BRCA1: variants seen among roughly 807,000 people sequenced by gnomAD.
BRCA1 encodes the protein BRCA1 DNA repair associated.
Under a neutral mutation model 173.7 loss-of-function variants are expected in BRCA1, and 140 were observed. The ratio of observed to expected loss-of-function variants is 0.81; its 90% CI spans 0.70 to 0.93. The LOEUF (loss-of-function observed/expected upper bound fraction) is 0.93. Among genes scored for constraint, BRCA1 ranks in the 40% least tolerant of loss-of-function variants. The pLI is 0.00. For missense variants in BRCA1, 1,983 were observed against 2,172.5 expected (o/e 0.91, Z 1.73); for synonymous variants, 662 against 756.0 (o/e 0.88, Z 2.04).
rs532473191 is a variant in BRCA1, at chr17:43,056,726, C to T, written c.5277+326G>A. Among the ~76,000 whole-genome samples, 7 of 152,096 alleles carry T rather than the reference C, an allele frequency of 4.6e-5. No homozygotes were observed. The South Asian group carries it at 1.5e-3, about 32-fold the overall frequency. ...AAGAGAGAGAGAGAGAAAGACACCC[C>T]AGTGAAGTGAAAAGAGCAAAGTCTT... On this transcript the variant is annotated intron_variant, in intron 19 of 22. Transcript: ENST00000357654.
chr17:43,074,471 C>A lies in BRCA1; in HGVS notation c.4535G>T (p.Ser1512Ile), dbSNP rs1800744. 4,969 of 1,614,128 alleles carry A rather than the reference C, an allele frequency of 3.1e-3. 17 individuals are homozygous for A. The highest frequency in any genetic ancestry group is 3.7e-3 in the Non-Finnish European group (4,340 of 1,180,008). ...TCTATTCTGAAGACTCCCAGAGCAA[C>A]TGTGCATGTACCACCTATCATCTAA... ...PSLDDRWYMH[S>I]CSGSLQNRNY... The change falls in exon 14 of 23, where the codon AGT becomes ATT. Residue 1512 changes from serine (S) to isoleucine (I), a missense_variant. Physicochemically the swap from Ser to Ile is moderately radical, Grantham distance 142. Transcript: ENST00000357654.
chr17:43,073,855 A>G (rs2153979180), intron 14 of BRCA1, among the ~76,000 whole-genome samples: 1 of 152,116 alleles, frequency 6.6e-6, no homozygotes, highest in Non-Finnish European at 1.5e-5. Flanking sequence ...CCCGGGTTCA[A>G]GTGATTCTGC....
intron 1 of BRCA1, among the ~76,000 whole-genome samples, chr17:43,147,011 T>C (rs548321471): frequency 6.6e-6 from 1 of 151,896 alleles, no homozygotes; most frequent in Non-Finnish European, 1.5e-5. Flanking sequence ...CTCATGGCTT[T>C]TTTTTTTTTT....
intron 2 of BRCA1, among the ~76,000 whole-genome samples, chr17:43,121,997 A>G (rs2055600565): frequency 2.0e-5 from 3 of 152,132 alleles, no homozygotes; most frequent in South Asian, 2.1e-4. Context: ...GTTTTTTCCT[A>G]CAATGTCATT....
intron 1 of BRCA1, among the ~76,000 whole-genome samples, chr17:43,132,035 C>T (rs2055971053): frequency 6.6e-6 from 1 of 152,198 alleles, no homozygotes; most frequent in Admixed American, 6.5e-5. Flanking sequence ...CCAGCGGCCT[C>T]AGCCTCCCAA....
intron 1 of BRCA1, chr17:43,161,611 T>G (rs958393357): frequency 2.0e-5 from 3 of 152,286 alleles, no homozygotes; most frequent in African/African-American, 7.2e-5. Flanking sequence ...GGAAATTTAC[T>G]GAATGGATTT....
intron 1 of BRCA1, chr17:43,159,363 G>C (rs1404038261): frequency 6.3e-6 from 1 of 158,900 alleles, no homozygotes; most frequent in Non-Finnish European, 1.4e-5. Flanking sequence ...GGCCTGGCAG[G>C]GGCTGACCCC....
At chr17:43,049,262 A>T (rs1567759289) in intron 20 of BRCA1, 68 bp from the exon 21 acceptor site, 1 of 1,408,158 alleles carries the variant, frequency 7.1e-7, no homozygotes, top group Non-Finnish European at 1.0e-6. Flanking sequence ...CCTCTACCCT[A>T]CACTCTCCGG....
intron 2 of BRCA1, among the ~76,000 whole-genome samples, chr17:43,122,048 T>C (rs1157727042): frequency 3.9e-5 from 6 of 152,204 alleles, no homozygotes; most frequent in Admixed American, 3.9e-4. Flanking sequence ...ATTGATAAAT[T>C]GTGAATCCTG....
intron 6 of BRCA1, among the ~76,000 whole-genome samples, chr17:43,102,703 A>G (rs980882115): frequency 6.6e-6 from 1 of 151,372 alleles, no homozygotes; most frequent in Non-Finnish European, 1.5e-5. Context: ...CCCACGCTGA[A>G]GTGCAGTGGA....
chr17:43,138,571 G>A, intron 1 of BRCA1: 2 of 704,794 alleles, frequency 2.8e-6, no homozygotes, highest in Non-Finnish European at 5.3e-6. Flanking sequence ...CCAAGTATAA[G>A]TAGGGCTCCC....
Position 43,092,682 on chromosome 17 carries a change from G to A in BRCA1, c.2849C>T (p.Ser950Phe), listed in dbSNP as rs1555588847. The change falls in exon 10 of 23, where the codon TCT becomes TTT. Residue 950 changes from serine to phenylalanine, a missense_variant. Coordinates refer to ENST00000357654, the MANE Select transcript of BRCA1 (RefSeq NM_007294.4). ...DNAKCSIKGG[S>F]RFCLSSQFRG... ...GAACTGAGATGATAGACAAAACCTA[G>A]AGCCTCCTTTGATACTACATTTGGC... The A allele has an allele frequency of 6.2e-7, 1 of 1,614,120 alleles. No homozygotes were observed. Among genetic ancestry groups the A allele is most frequent in the Non-Finnish European group, 8.5e-7 (1 of 1,180,016 alleles).
rs56056327 is a variant in BRCA1, at chr17:43,044,787, C to T, written c.*891G>A. 7 of 458,004 alleles carry T rather than the reference C, an allele frequency of 1.5e-5. No homozygotes were observed. The highest frequency in any genetic ancestry group is 1.2e-4 in the South Asian group (7 of 58,398). The allele number at this position is 458,004 out of a possible 1,614,324, so 28.4% of individuals were successfully genotyped here. A position where few individuals can be genotyped will look rare whatever the true frequency, so the allele number is the denominator to read the frequency against. ...ATATATCTCAGACTTTTAGAAATCT[C>T]TTCTAGTTTCATTTTCCTTTTTTTT... On this transcript the variant is annotated 3_prime_UTR_variant, in exon 23 of 23. Transcript: ENST00000357654.
chr17:43,091,138 A>G (rs2154261250), intron 10 of BRCA1, 106 bp from the exon 11 acceptor site: 1 of 1,123,380 alleles, frequency 8.9e-7, no homozygotes, highest in Non-Finnish European at 1.3e-6. Flanking sequence ...CTTTCATGTC[A>G]CACAAAATGA....
At chr17:43,056,076 T>C (rs890491334) in intron 19 of BRCA1, among the ~76,000 whole-genome samples, 1 of 152,182 alleles carries the variant, frequency 6.6e-6, no homozygotes, top group Non-Finnish European at 1.5e-5. Flanking sequence ...ATCTGTAATA[T>C]AGGCATAATT....
chr17:43,146,299 C>CTTTTTTTTTTTTTTTTTTTTTT (rs774223347), intron 1 of BRCA1, among the ~76,000 whole-genome samples: 1 of 76,116 alleles, frequency 1.3e-5, no homozygotes, highest in African/African-American at 6.1e-5. Flanking sequence ...ATTTTTGTTA[C>CTTTTTTTTTTTTTTTTTTTTTT]TTTTTTTTTT....
chr17:43,071,166 C>T lies in BRCA1; in HGVS notation c.4748G>A (p.Arg1583Lys), dbSNP rs752624544. Reference protein sequence around the residue: ...DDPESDPSEDRAPESARVGNI... With the variant: ...DDPESDPSEDKAPESARVGNI... ...GCCAACACGAGCTGACTCTGGGGCT[C>T]TGTCTTCAGAAGGATCAGATTCAGG... is the stretch of plus-strand genomic sequence containing the variant. The change falls in exon 15 of 23, where the codon AGA becomes AAA. Residue 1583 changes from arginine (R) to lysine (K), a missense_variant. Arg to Lys is a conservative substitution (Grantham distance 26). Coordinates refer to ENST00000357654, the MANE Select transcript of BRCA1 (RefSeq NM_007294.4). 5.0e-6 allele frequency: 8 copies of T among 1,614,184 alleles called. No homozygotes were observed. In the East Asian group the frequency reaches 1.8e-4, roughly 36 times the overall value.
At chr17:43,064,376 A>AT (rs2051961487) in intron 16 of BRCA1, among the ~76,000 whole-genome samples, 1 of 152,238 alleles carries the variant, frequency 6.6e-6, no homozygotes, top group South Asian at 2.1e-4. Flanking sequence ...TAAATCTGAA[A>AT]TGTCAATGTA....
At chr17:43,101,942 C>G (rs1329693196) in intron 6 of BRCA1, among the ~76,000 whole-genome samples, 1 of 152,092 alleles carries the variant, frequency 6.6e-6, no homozygotes, top group Non-Finnish European at 1.5e-5. Flanking sequence ...GTCTCAGTCA[C>G]CTGCGCTGGA....
Sources: gnomAD v4.1 joint callset for allele counts (sites outside exome capture counted in the v4.1 genomes callset) on GRCh38, gnomAD v4.1.1 for gene constraint, MANE v1.5 for transcripts, NCBI Gene and HGNC (gene_info 2026-07-23, HGNC 2026-07-21) for gene names.